The following SMPD3 variants were observed in gnomAD, a reference collection of about 807,000 sequenced individuals.
The protein encoded by SMPD3 is sphingomyelin phosphodiesterase 3.
In SMPD3, 21 loss-of-function variants were observed where a neutral mutation model predicts 55.7. That is an observed-to-expected ratio of 0.38 (90% confidence interval 0.27 to 0.54). SMPD3 has a LOEUF of 0.54. Ranked by LOEUF, SMPD3 falls within the 20% of genes least tolerant of loss-of-function variation. SMPD3 has a pLI of 0.80. For missense variants in SMPD3, 842 were observed against 899.6 expected (o/e 0.94, Z 0.82); for synonymous variants, 457 against 404.3 (o/e 1.13, Z -1.56).
At chr16:68,415,361 C>T (rs566520645) in intron 1 of SMPD3, among the ~76,000 whole-genome samples, 1 of 152,142 alleles carries the variant, frequency 6.6e-6, no homozygotes, top group Non-Finnish European at 1.5e-5. Context: ...AAGGGGATGC[C>T]TGAGAGGCCG....
chr16:68,381,030 G>A (rs2151995820), intron 2 of SMPD3, among the ~76,000 whole-genome samples: 2 of 152,346 alleles, frequency 1.3e-5, no homozygotes, highest in South Asian at 4.1e-4. Context: ...TCTATGCAAA[G>A]AACATTTAAC....
chr16:68,363,899 AG>A, intron 5 of SMPD3, 33 bp from the exon 6 acceptor site: 1 of 1,537,472 alleles, frequency 6.5e-7, no homozygotes, highest in Non-Finnish European at 8.8e-7. Flanking sequence ...CTGAGGCACC[AG>A]GGGGCTTTGC....
At chr16:68,405,561 AAAAAAAG>A (rs1218427436) in intron 1 of SMPD3, among the ~76,000 whole-genome samples, 2 of 151,736 alleles carry the variant, frequency 1.3e-5, no homozygotes, top group African/African-American at 4.8e-5. Context: ...AAAAAAAAAA[AAAAAAAG>A]AAAAGAAAAG....
chr16:68,385,100 T>G (rs1235072919), intron 2 of SMPD3, among the ~76,000 whole-genome samples: 2 of 152,152 alleles, frequency 1.3e-5, no homozygotes, highest in Non-Finnish European at 2.9e-5. Context: ...TCAGAGAATA[T>G]GCTTTTCACA....
At chr16:68,370,270 AGACAGCCTGGCAGGGCAGCTGCAC>A (rs2089616391) in intron 3 of SMPD3, 4 of 153,814 alleles carry the variant, frequency 2.6e-5, no homozygotes, top group Admixed American at 2.5e-4. Flanking sequence ...GCTGGTGGGC[AGACAGCCTGGCAGGGCAGCTGCAC>A]GACAGCCAGG....
intron 2 of SMPD3, among the ~76,000 whole-genome samples, chr16:68,379,211 GC>G (rs1055460070): frequency 6.6e-6 from 1 of 152,232 alleles, no homozygotes; most frequent in African/African-American, 2.4e-5. Context: ...AGAACCTGGT[GC>G]CTCTGGCCTG....
chr16:68,407,635 ATTG>A (rs1485842523), intron 1 of SMPD3, among the ~76,000 whole-genome samples: 2 of 152,142 alleles, frequency 1.3e-5, no homozygotes, highest in Non-Finnish European at 2.9e-5. Flanking sequence ...ACAGGAGCCT[ATTG>A]TTGTATTTTT....
At chr16:68,435,977 G>A (rs746237361) in intron 1 of SMPD3, among the ~76,000 whole-genome samples, 10 of 152,136 alleles carry the variant, frequency 6.6e-5, no homozygotes, top group African/African-American at 1.2e-4. Flanking sequence ...AATCCTCTGC[G>A]ATCCCTTGGA....
At chr16:68,370,493 G>A (rs560704785) in intron 3 of SMPD3, among the ~76,000 whole-genome samples, 6 of 152,242 alleles carry the variant, frequency 3.9e-5, no homozygotes, top group Middle Eastern at 3.4e-3. Flanking sequence ...CCATCTCCAC[G>A]GCTACCACCG....
intron 1 of SMPD3, among the ~76,000 whole-genome samples, chr16:68,408,848 C>T (rs1464502721): frequency 1.3e-5 from 2 of 152,206 alleles, no homozygotes; most frequent in South Asian, 2.1e-4. Flanking sequence ...CAGTGTTGGA[C>T]GATAATAGCT....
In SMPD3 at chr16:68,421,392, A is replaced by G. The variant is rs999022158; in HGVS notation, c.-269+26961T>C. Among the ~76,000 whole-genome samples the G allele has an allele frequency of 2.6e-5, 4 of 152,172 alleles. No homozygotes were observed. The East Asian group carries it at 7.7e-4, about 29-fold the overall frequency. On this transcript the variant is annotated intron_variant, in intron 1 of 8. Coordinates refer to ENST00000219334, the MANE Select transcript of SMPD3 (RefSeq NM_018667.4). ...ACCCAAGGATGAGGGGGAGCCACAA[A>G]AGGGAGAGACGTGGTTATATGTGTG...
At chr16:68,434,392 A>G (rs2152031421) in intron 1 of SMPD3, among the ~76,000 whole-genome samples, 1 of 152,326 alleles carries the variant, frequency 6.6e-6, no homozygotes, top group Middle Eastern at 3.4e-3. Flanking sequence ...GCTCCTATGA[A>G]TATAAAATTA....
At chr16:68,441,632 T>C (rs1056450471) in intron 1 of SMPD3, among the ~76,000 whole-genome samples, 24 of 152,202 alleles carry the variant, frequency 1.6e-4, no homozygotes, top group Non-Finnish European at 1.8e-4. Flanking sequence ...TTTATACTTA[T>C]AGCACATCTT....
At chr16:68,372,523 C>T in intron 2 of SMPD3, 136 bp from the exon 3 acceptor site, 2 of 397,086 alleles carry the variant, frequency 5.0e-6, no homozygotes, top group South Asian at 5.3e-5. Flanking sequence ...CAGGCTGGAG[C>T]TGGCAGGCTC....
At chr16:68,448,227 A>T (rs2152038273) in intron 1 of SMPD3, 126 bp downstream of exon 1, 1 of 152,552 alleles carries the variant, frequency 6.6e-6, no homozygotes, top group South Asian at 2.1e-4. Context: ...GCCCCTAGTC[A>T]GTCGGCGGCT....
chr16:68,370,528 C>T (rs1209643766), intron 3 of SMPD3, among the ~76,000 whole-genome samples: 1 of 152,212 alleles, frequency 6.6e-6, no homozygotes, highest in African/African-American at 2.4e-5. Flanking sequence ...GCTCGGAACC[C>T]TTCCCAGGCC....
At chr16:68,438,302 G>A (rs1406740062) in intron 1 of SMPD3, among the ~76,000 whole-genome samples, 1 of 152,126 alleles carries the variant, frequency 6.6e-6, no homozygotes, top group South Asian at 2.1e-4. Flanking sequence ...CCCTTCTCCT[G>A]CCCAGGGCTT....
chr16:68,361,328 G>A, intron 8 of SMPD3, 21 bp from the exon 9 acceptor site: 4 of 1,597,688 alleles, frequency 2.5e-6, no homozygotes, highest in South Asian at 2.2e-5. Flanking sequence ...TGGGAGAGGG[G>A]AGAAACAGCC....
chr16:68,438,197 T>C (rs907416510), intron 1 of SMPD3, among the ~76,000 whole-genome samples: 15 of 152,178 alleles, frequency 9.9e-5, no homozygotes, highest in African/African-American at 3.6e-4. Context: ...GTGCTTGGGT[T>C]TGGGCACTGC....
Sources: allele counts gnomAD v4.1 joint callset (sites outside exome capture counted in the v4.1 genomes callset), GRCh38; gene constraint gnomAD v4.1.1; transcripts MANE v1.5; gene names NCBI Gene and HGNC (gene_info 2026-07-23, HGNC 2026-07-21).